The following RBFOX1 variants were observed in gnomAD, a reference collection of about 807,000 sequenced individuals.
The protein encoded by RBFOX1 is RNA binding protein fox-1 homolog 1.
A neutral mutation model predicts 57.7 loss-of-function variants in RBFOX1; 8 were observed. The ratio of observed to expected loss-of-function variants is 0.14; its 90% CI spans 0.08 to 0.25. The LOEUF (loss-of-function observed/expected upper bound fraction) is 0.25. Ranked by LOEUF, RBFOX1 falls within the 10% of genes least tolerant of loss-of-function variation. RBFOX1 has a pLI of 1.00. For synonymous variants in RBFOX1, 326 were observed against 222.4 expected (o/e 1.47, Z -4.15); for missense variants, 611 against 548.5 (o/e 1.11, Z -1.14).
At chr16:5,621,026 G>T (rs1171817288) in intron 3 of RBFOX1, among the ~76,000 whole-genome samples, 1 of 152,130 alleles carries the variant, frequency 6.6e-6, no homozygotes, top group Non-Finnish European at 1.5e-5. Context: ...ATTATCAGTA[G>T]AGGCGAGGTT....
rs368253686 is a variant in RBFOX1 at position 7,099,681 on chromosome 16, A to G, written c.27+47583A>G. 7.4e-4 allele frequency among the ~76,000 whole-genome samples: 112 copies of G among 152,138 alleles called. No homozygotes were observed. The South Asian group carries it at 0.018, about 24-fold the overall frequency. On this transcript the variant is annotated intron_variant, in intron 4 of 15. Coordinates refer to ENST00000550418, the MANE Select transcript of RBFOX1 (RefSeq NM_018723.4). ...GGAGACATGAGACATCAATCAATAC[A>G]TGTAAGATTTGCATTGGTTCTACCT...
intron 3 of RBFOX1, among the ~76,000 whole-genome samples, chr16:6,739,083 G>C (rs1273158407): frequency 6.6e-6 from 1 of 151,976 alleles, no homozygotes; most frequent in Non-Finnish European, 1.5e-5. Flanking sequence ...GACAAAAATA[G>C]GGAAAGAAGA....
intron 1 of RBFOX1, among the ~76,000 whole-genome samples, chr16:6,026,130 T>C (rs1311547438): frequency 1.3e-5 from 2 of 152,248 alleles, no homozygotes; most frequent in East Asian, 1.9e-4. Flanking sequence ...TCGATTCTCG[T>C]TTTTTACAGC....
intron 2 of RBFOX1, among the ~76,000 whole-genome samples, chr16:6,339,696 A>T (rs1284586861): frequency 6.7e-6 from 1 of 149,824 alleles, no homozygotes; most frequent in African/African-American, 2.5e-5. Flanking sequence ...TTTTTGAGAG[A>T]GTCTCGCTCT....
intron 3 of RBFOX1, among the ~76,000 whole-genome samples, chr16:6,793,363 T>C (rs1010838667): frequency 1.7e-4 from 26 of 152,156 alleles, no homozygotes; most frequent in Non-Finnish European, 2.9e-5. Flanking sequence ...TTTTCTTCCA[T>C]TGAGATTGAT....
chr16:7,300,213 C>A (rs1321274216), intron 4 of RBFOX1, among the ~76,000 whole-genome samples: 1 of 152,156 alleles, frequency 6.6e-6, no homozygotes, highest in Non-Finnish European at 1.5e-5. Context: ...TTACTTTCTG[C>A]TGCCCCTCCC....
At chr16:7,167,153 T>C in intron 4 of RBFOX1, among the ~76,000 whole-genome samples, 1 of 151,462 alleles carries the variant, frequency 6.6e-6, no homozygotes. Flanking sequence ...ACGTGGCTAA[T>C]TTTTGTGTTT....
chr16:6,493,442 G>C (rs772651467), intron 2 of RBFOX1, among the ~76,000 whole-genome samples: 2 of 152,134 alleles, frequency 1.3e-5, no homozygotes, highest in Non-Finnish European at 1.5e-5. Flanking sequence ...TCCCAGCTGT[G>C]TGTGTTTGTC....
chr16:6,438,813 G>A (rs1215375110), intron 2 of RBFOX1, among the ~76,000 whole-genome samples: 1 of 150,744 alleles, frequency 6.6e-6, no homozygotes. Flanking sequence ...TGCATGATAA[G>A]TGTTTTTTCT....
intron 5 of RBFOX1, among the ~76,000 whole-genome samples, chr16:7,574,530 G>C (rs887892829): frequency 6.6e-6 from 1 of 152,120 alleles, no homozygotes; most frequent in East Asian, 1.9e-4. Flanking sequence ...GAAGAACTTG[G>C]AGTCCCATGT....
intron 4 of RBFOX1, among the ~76,000 whole-genome samples, chr16:7,418,619 C>G (rs2098507678): frequency 1.3e-5 from 2 of 152,178 alleles, no homozygotes; most frequent in Non-Finnish European, 2.9e-5. Flanking sequence ...TGTTCGTTGC[C>G]ACAGAGTATT....
intron 2 of RBFOX1, among the ~76,000 whole-genome samples, chr16:6,331,529 TTCTC>T (rs917868240): frequency 8.0e-5 from 12 of 150,206 alleles, no homozygotes; most frequent in African/African-American, 1.7e-4. Flanking sequence ...CATTTTCTGT[TTCTC>T]TCTCTCTCTC....
chr16:5,904,094 T>C (rs2058379953), intron 4 of RBFOX1, among the ~76,000 whole-genome samples: 1 of 152,194 alleles, frequency 6.6e-6, no homozygotes, highest in South Asian at 2.1e-4. Flanking sequence ...TGTGTCATGA[T>C]TAGTATGCAG....
chr16:5,480,478 A>C (rs1369485753), intron 2 of RBFOX1, among the ~76,000 whole-genome samples: 1 of 152,222 alleles, frequency 6.6e-6, no homozygotes, highest in Admixed American at 6.5e-5. Flanking sequence ...ACTCACTACC[A>C]TAATAAACCC....
intron 4 of RBFOX1, among the ~76,000 whole-genome samples, chr16:5,973,499 A>T (rs1340153837): frequency 2.0e-5 from 3 of 152,204 alleles, no homozygotes; most frequent in African/African-American, 7.2e-5. Flanking sequence ...CCTAGGTCAG[A>T]GTCAGAAAAG....
At chr16:6,089,512 A>G (rs765677477) in intron 1 of RBFOX1, among the ~76,000 whole-genome samples, 3 of 152,248 alleles carry the variant, frequency 2.0e-5, no homozygotes, top group Non-Finnish European at 4.4e-5. Context: ...AAGGCATTGT[A>G]AATCTTAGAC....
chr16:6,531,866 G>A (rs934755867), intron 2 of RBFOX1, among the ~76,000 whole-genome samples: 2 of 152,084 alleles, frequency 1.3e-5, no homozygotes, highest in African/African-American at 4.8e-5. Context: ...GACCAATTAG[G>A]GCTCATTGGT....
chr16:6,500,167 T>C (rs1381506092), intron 2 of RBFOX1, among the ~76,000 whole-genome samples: 1 of 152,194 alleles, frequency 6.6e-6, no homozygotes, highest in Non-Finnish European at 1.5e-5. Context: ...TCACGCCAAC[T>C]CTTTTTAAAT....
intron 4 of RBFOX1, among the ~76,000 whole-genome samples, chr16:7,392,854 G>GTTTGTTT (rs779920137): frequency 5.7e-5 from 7 of 122,988 alleles, no homozygotes; most frequent in East Asian, 3.2e-4. Flanking sequence ...GGTTTGGTTT[G>GTTTGTTT]GTTTGTTTGT....
Sources: gnomAD v4.1 joint callset for allele counts (sites outside exome capture counted in the v4.1 genomes callset) on GRCh38, gnomAD v4.1.1 for gene constraint, MANE v1.5 for transcripts, NCBI Gene and HGNC (gene_info 2026-07-23, HGNC 2026-07-21) for gene names.